LAMP1: variants seen among roughly 807,000 people sequenced by gnomAD.
The protein encoded by LAMP1 is lysosome associated membrane protein 1.
In LAMP1, 7 loss-of-function variants were observed where a neutral mutation model predicts 37.5. The observed-to-expected ratio is 0.19, with a 90% CI of 0.11 to 0.35. The LOEUF is 0.35. Among genes scored for constraint, LAMP1 ranks in the 10% least tolerant of loss-of-function variants. LAMP1 has a pLI of 1.00. For missense variants in LAMP1, 537 were observed against 552.8 expected (o/e 0.97, Z 0.29); for synonymous variants, 236 against 229.1 (o/e 1.03, Z -0.27).
At chr13:113,307,163 CTT>C (rs11426559) in intron 2 of LAMP1, among the ~76,000 whole-genome samples, 1 of 137,404 alleles carries the variant, frequency 7.3e-6, no homozygotes. Flanking sequence ...TTCTAGTTTT[CTT>C]TTTTTTTTTT....
At position 113,310,721 on chromosome 13, in the gene LAMP1, T is replaced by TG; in HGVS notation, c.418dup (p.Glu140GlyfsTer5). Reference sequence around the variant, plus strand: ...TTTTTTAATCTAGAAATCAAGACTGTGGAATCTATAACTGACATCAGGGCA... The same window carrying TG: ...TTTTTTAATCTAGAAATCAAGACTGTGGGAATCTATAACTGACATCAGGGCA... On this transcript the variant is annotated frameshift_variant, in exon 4 of 9. Transcript: ENST00000332556. LOFTEE classifies it high-confidence loss of function. The TG allele has an allele frequency of 1.3e-6, 2 of 1,588,982 alleles. No individual in the cohort carries two copies. Among genetic ancestry groups the TG allele is most frequent in the Non-Finnish European group, 1.7e-6 (2 of 1,169,074 alleles).
Position 113,319,568 on chromosome 13 carries a change from A to G in LAMP1, c.662A>G (p.Lys221Arg), listed in dbSNP as rs774159757. The change falls in exon 5 of 9, where the codon AAG becomes AGG. Residue 221 changes from lysine (K) to arginine (R), a missense_variant. By Grantham distance (26) the Lys-to-Arg change is conservative. Coordinates refer to ENST00000332556, the MANE Select transcript of LAMP1 (RefSeq NM_005561.4). Reference protein sequence around the residue: ...SPVPKSPSVDKYNVSGTNGTC... With the variant: ...SPVPKSPSVDRYNVSGTNGTC... Reference sequence around the variant, plus strand: ...GTGCCCAAGAGCCCCTCTGTGGACAAGTACAACGTGAGCGGCACCAACGGG... The same window carrying G: ...GTGCCCAAGAGCCCCTCTGTGGACAGGTACAACGTGAGCGGCACCAACGGG... 8.1e-6 allele frequency: 13 copies of G among 1,614,036 alleles called. No individual in the cohort carries two copies. Among genetic ancestry groups the G allele is most frequent in the Non-Finnish European group, 1.1e-5 (13 of 1,180,034 alleles).
Position 113,321,563 on chromosome 13 carries a change from C to T in LAMP1, c.950C>T (p.Ala317Val). The T allele has an allele frequency of 6.2e-7, 1 of 1,614,114 alleles. No individual in the cohort carries two copies. The highest frequency in any genetic ancestry group is 8.5e-7 in the Non-Finnish European group (1 of 1,180,030). Reference protein sequence around the residue: ...NTILPDARDPAFKAANGSLRA... With the variant: ...NTILPDARDPVFKAANGSLRA... Reference sequence around the variant, plus strand: ...ACCTCTGTGTGTGTTGCAGACCCTGCCTTTAAAGCTGCCAACGGCTCCCTG... The same window carrying T: ...ACCTCTGTGTGTGTTGCAGACCCTGTCTTTAAAGCTGCCAACGGCTCCCTG... Residue 317 changes from alanine to valine, a missense_variant, in exon 8 of 9, where the codon GCC (alanine) becomes GTC (valine). By Grantham distance (64) the Ala-to-Val change is moderately conservative. Coordinates refer to ENST00000332556, the MANE Select transcript of LAMP1 (RefSeq NM_005561.4). The surrounding 1 kb of genome is among the most constrained non-coding windows in gnomAD (Gnocchi z 5.6).
chr13:113,322,449 A>G lies in LAMP1; in HGVS notation c.*28A>G. Reference sequence around the variant, plus strand: ...TGGTGCACGCAGGCACAGCAGCTGCAGGGGCCTCTGTTCCTTTCTCTGGGC... The same window carrying G: ...TGGTGCACGCAGGCACAGCAGCTGCGGGGGCCTCTGTTCCTTTCTCTGGGC... On this transcript the variant is annotated 3_prime_UTR_variant, in exon 9 of 9. Coordinates refer to ENST00000332556, the MANE Select transcript of LAMP1 (RefSeq NM_005561.4). The G allele has an allele frequency of 1.9e-6, 3 of 1,590,068 alleles. No homozygotes were observed. The highest frequency in any genetic ancestry group is 1.1e-5 in the South Asian group (1 of 89,520).
At chr13:113,301,502 A>G (rs759706933) in intron 1 of LAMP1, among the ~76,000 whole-genome samples, 1 of 151,554 alleles carries the variant, frequency 6.6e-6, no homozygotes, top group Non-Finnish European at 1.5e-5. Flanking sequence ...GTACCCCTGT[A>G]GTCATAGCTA....
intron 8 of LAMP1, chr13:113,322,081 A>G: frequency 1.6e-6 from 1 of 607,866 alleles, no homozygotes; most frequent in Non-Finnish European, 2.8e-6. Flanking sequence ...GACGGGGGAG[A>G]GACGTGTGTG....
rs1244516323 is a variant in LAMP1 at position 113,320,774 on chromosome 13, A to G, written c.876+304A>G. On this transcript the variant is annotated intron_variant, in intron 6 of 8. Transcript: ENST00000332556. The surrounding 1 kb of genome is among the most constrained non-coding windows in gnomAD (Gnocchi z 4.4). ...TGCTGCCCTGTGGTTCCGTGGTGGC[A>G]TTTCTGCCTGGGAGGACTCCTGTGC... 2.8e-5 allele frequency: 11 copies of G among 398,850 alleles called. No individual in the cohort carries two copies. The highest frequency in any genetic ancestry group is 5.0e-5 in the Non-Finnish European group (11 of 219,416). 24.7% of individuals were successfully genotyped at this position (398,850 alleles called of 1,614,324 possible).
chr13:113,319,241 A>G (rs1226516465), intron 4 of LAMP1, among the ~76,000 whole-genome samples: 1 of 152,162 alleles, frequency 6.6e-6, no homozygotes, highest in Non-Finnish European at 1.5e-5. Flanking sequence ...GTGGAGGCTG[A>G]GGGTGCCCCA....
At chr13:113,306,993 C>T (rs1477503610) in intron 2 of LAMP1, among the ~76,000 whole-genome samples, 6 of 151,606 alleles carry the variant, frequency 4.0e-5, no homozygotes, top group Non-Finnish European at 5.9e-5. Flanking sequence ...GCGCTCGCCA[C>T]CACGCACAGC....
chr13:113,301,858 C>CTTTTTTTTTTTTTT (rs539321614), intron 1 of LAMP1, among the ~76,000 whole-genome samples: 13 of 74,310 alleles, frequency 1.7e-4, no homozygotes, highest in East Asian at 1.4e-3. Flanking sequence ...GATGTGATTT[C>CTTTTTTTTTTTTTT]TTTTTTTTTT....
rs184787579 is a variant in LAMP1, at chr13:113,306,534, C to G, written c.111C>G (p.Asn37Lys). 6.2e-7 allele frequency: 1 copy of G among 1,614,022 alleles called. No individual in the cohort carries two copies. Among genetic ancestry groups the G allele is most frequent in the South Asian group, 1.1e-5 (1 of 91,078 alleles). The change falls in exon 2 of 9, where the codon AAC becomes AAG. Residue 37 changes from asparagine (N) to lysine (K), a missense_variant. Physicochemically the swap from Asn to Lys is moderately conservative, Grantham distance 94. Coordinates refer to ENST00000332556, the MANE Select transcript of LAMP1 (RefSeq NM_005561.4). ...SAAMFMVKNGNGTACIMANFS... is the reference protein window; with the variant it reads ...SAAMFMVKNGKGTACIMANFS... ...CAATGTTTATGGTGAAAAATGGCAA[C>G]GGGACCGCGTGCATAATGGCCAACT...
At chr13:113,301,926 G>A (rs1403300779) in intron 1 of LAMP1, among the ~76,000 whole-genome samples, 2 of 137,182 alleles carry the variant, frequency 1.5e-5, no homozygotes, top group Non-Finnish European at 3.0e-5. Flanking sequence ...GCAGTGGTGC[G>A]ATCTCGGCTC....
In LAMP1 at chr13:113,297,553, G is replaced by A. The variant is rs1235048436; in HGVS notation, c.61+58G>A. ...GGGACCGGGCGGAGCCGAGGTCCCT[G>A]GGTCTTGAGGGCGGGGGACTGCCGG... On this transcript the variant is annotated intron_variant, in intron 1 of 8. Transcript: ENST00000332556. The surrounding 1 kb of genome is among the most constrained non-coding windows in gnomAD (Gnocchi z 4.4). 11 of 1,208,696 alleles carry A rather than the reference G, an allele frequency of 9.1e-6. No homozygotes were observed. Among genetic ancestry groups the A allele is most frequent in the Non-Finnish European group, 1.1e-5 (11 of 971,060 alleles). The allele number at this position is 1,208,696 out of a possible 1,614,324, so 74.9% of individuals were successfully genotyped here.
At position 113,323,485 on chromosome 13, in the gene LAMP1, G is replaced by A. The variant is rs2042719753; in HGVS notation, c.*1064G>A. ...GGGAGCTCATGAGAGAAGGACGTCA[G>A]GGAAACGGGGTTGAGGGTGGTCTCG... On this transcript the variant is annotated 3_prime_UTR_variant, in exon 9 of 9. Transcript: ENST00000332556. 1 of 151,502 alleles carries A rather than the reference G, an allele frequency of 6.6e-6. No individual in the cohort carries two copies. The allele number at this position is 151,502 out of a possible 1,614,324, so 9.4% of individuals were successfully genotyped here.
chr13:113,301,987 C>G lies in LAMP1; in HGVS notation c.61+4492C>G, dbSNP rs559728273. Reference sequence around the variant, plus strand: ...ACGCCATTCTCCTGCCTCAGCCTCCCGAGTACCAGGGATTACAGGCATGCG... The same window carrying G: ...ACGCCATTCTCCTGCCTCAGCCTCCGGAGTACCAGGGATTACAGGCATGCG... On this transcript the variant is annotated intron_variant, in intron 1 of 8. Coordinates refer to ENST00000332556, the MANE Select transcript of LAMP1 (RefSeq NM_005561.4). Among the ~76,000 whole-genome samples, 86 of 151,024 alleles carry G rather than the reference C, an allele frequency of 5.7e-4. 1 individual carries two copies. Among genetic ancestry groups the G allele is most frequent in the Admixed American group, 3.0e-3 (46 of 15,134 alleles).
At chr13:113,319,961 TTTATCATGGAAAC>T (rs2042688574) in intron 5 of LAMP1, among the ~76,000 whole-genome samples, 1 of 152,256 alleles carries the variant, frequency 6.6e-6, no homozygotes, top group African/African-American at 2.4e-5. Flanking sequence ...TCTTTACATA[TTTATCATGGAAAC>T]ATTTAAGTGT....
intron 2 of LAMP1, among the ~76,000 whole-genome samples, chr13:113,308,262 C>A (rs932487984): frequency 6.6e-6 from 1 of 151,274 alleles, no homozygotes; most frequent in Non-Finnish European, 1.5e-5. Context: ...GTGATCTGCC[C>A]ACCTTGGCCT....
chr13:113,308,929 T>C (rs1301905357), intron 2 of LAMP1, among the ~76,000 whole-genome samples: 2 of 152,242 alleles, frequency 1.3e-5, no homozygotes, highest in Non-Finnish European at 2.9e-5. Flanking sequence ...ATTTCTGCTA[T>C]AAACACCTTC....
intron 4 of LAMP1, among the ~76,000 whole-genome samples, chr13:113,315,534 T>C (rs1004456582): frequency 6.6e-5 from 10 of 151,062 alleles, no homozygotes; most frequent in African/African-American, 2.4e-4. Flanking sequence ...GGATTACAGG[T>C]GCACATCACC....
Sources: allele counts gnomAD v4.1 joint callset (sites outside exome capture counted in the v4.1 genomes callset), GRCh38; gene constraint gnomAD v4.1.1; non-coding constraint Gnocchi (gnomAD v3.1); transcripts MANE v1.5; gene names NCBI Gene and HGNC (gene_info 2026-07-23, HGNC 2026-07-21).